The following KHSRP variants were observed in gnomAD, a reference collection of about 807,000 sequenced individuals.
The protein encoded by KHSRP is KH-type splicing regulatory protein.
A neutral mutation model predicts 94.9 loss-of-function variants in KHSRP; 13 were observed. The observed-to-expected ratio is 0.14, with a 90% CI of 0.09 to 0.22. The LOEUF is 0.22. KHSRP is among the 10% of genes least tolerant of loss of function. The pLI is 1.00. For synonymous variants in KHSRP, 495 were observed against 401.4 expected (o/e 1.23, Z -2.79); for missense variants, 710 against 1,010.0 (o/e 0.70, Z 4.03).
chr19:6,414,125 G>A lies in KHSRP; in HGVS notation c.*899C>T, dbSNP rs777535739. 5.3e-5 allele frequency: 85 copies of A among 1,610,602 alleles called. 1 individual carries two copies. Among genetic ancestry groups the A allele is most frequent in the Non-Finnish European group, 6.8e-5 (80 of 1,177,996 alleles). ...CATTCATTCGATTCATTGAGCCTGC[G>A]GAGAGGGAAGAGATAGGAATTGGTC... On this transcript the variant is annotated 3_prime_UTR_variant, in exon 19 of 19. Transcript: ENST00000600480.
intron 4 of KHSRP, 106 bp from the exon 5 acceptor site, chr19:6,420,577 C>A: frequency 9.9e-7 from 1 of 1,013,772 alleles, no homozygotes; most frequent in Non-Finnish European, 1.5e-6. Context: ...TAAGCAGAGT[C>A]TGACCACACA....
At chr19:6,417,181 G>A (rs1472272300) in intron 11 of KHSRP, 94 bp from the exon 12 acceptor site, 13 of 947,442 alleles carry the variant, frequency 1.4e-5, no homozygotes, top group South Asian at 8.3e-5. Flanking sequence ...ACACCACGCC[G>A]GCCTGAGATC....
Position 6,418,932 on chromosome 19 carries a change from G to GT in KHSRP, c.606-57dup. The GT allele has an allele frequency of 6.8e-7, 1 of 1,479,368 alleles. No homozygotes were observed. 91.6% of individuals were successfully genotyped at this position (1,479,368 alleles called of 1,614,324 possible). A position where few individuals can be genotyped will look rare whatever the true frequency, so the allele number is the denominator to read the frequency against. The stretch of plus-strand genomic sequence containing the variant: ...GTGCCACCGCTGGAGAAAGGTACTG[G>GT]TCTGGTGGCCCACCCAGCTCAAAGG... On this transcript the variant is annotated intron_variant, in intron 7 of 18. Transcript: ENST00000600480. This position sits in a 1 kb window ranked among gnomAD's most constrained non-coding sequence, Gnocchi z 4.3.
At chr19:6,422,301 G>T in intron 2 of KHSRP, 39 bp downstream of exon 2, 1 of 1,419,164 alleles carries the variant, frequency 7.0e-7, no homozygotes, top group Non-Finnish European at 1.0e-6. Flanking sequence ...TAGGCCCCCA[G>T]CCCTTCCTCC....
At chr19:6,416,157 G>A (rs1042188103) in intron 15 of KHSRP, 141 bp downstream of exon 15, 24 of 682,710 alleles carry the variant, frequency 3.5e-5, no homozygotes, top group Non-Finnish European at 5.0e-5. Flanking sequence ...ACAGGAGAGG[G>A]CCTGTTGATG....
chr19:6,415,352 CCCCTGT>C (rs2092135591), intron 18 of KHSRP, 22 bp downstream of exon 18: 1 of 1,611,566 alleles, frequency 6.2e-7, no homozygotes, highest in Non-Finnish European at 8.5e-7. Flanking sequence ...GCTGCCCCTG[CCCCTGT>C]CCCCGCATGG....
At position 6,415,449 on chromosome 19, in the gene KHSRP, G is replaced by T; in HGVS notation, c.1897C>A (p.Pro633Thr). 6.4e-7 allele frequency: 1 copy of T among 1,565,798 alleles called. No individual in the cohort carries two copies. The highest frequency in any genetic ancestry group is 8.7e-7 in the Non-Finnish European group (1 of 1,155,322). Residue 633 changes from proline (P) to threonine (T), a missense_variant, in exon 18 of 19, where the codon CCC (proline) becomes ACC (threonine). Physicochemically the swap from Pro to Thr is conservative, Grantham distance 38. Transcript: ENST00000600480. ...EEYYKKIGQQPQQPGAPPQQD... is the reference protein window; with the variant it reads ...EEYYKKIGQQTQQPGAPPQQD... ...TGTGGGGGTGCTCCGGGCTGCTGGG[G>T]CTGCTGGCCTGTGCGGGCGCCGAGA... is the stretch of plus-strand genomic sequence containing the variant.
intron 5 of KHSRP, 70 bp downstream of exon 5, chr19:6,420,352 G>A: frequency 6.8e-7 from 1 of 1,481,190 alleles, no homozygotes; most frequent in Non-Finnish European, 9.4e-7. Context: ...CTTCTGGGCT[G>A]GCAGGAGCTC....
Position 6,424,501 on chromosome 19 carries a change from C to T in KHSRP, c.201G>A (p.Pro67=). 1.0e-6 allele frequency: 1 copy of T among 988,702 alleles called. No homozygotes were observed. Among genetic ancestry groups the T allele is most frequent in the Non-Finnish European group, 1.2e-6 (1 of 833,638 alleles). 61.2% of individuals were successfully genotyped at this position (988,702 alleles called of 1,614,324 possible). The change falls in exon 1 of 19, where the codon CCG becomes CCA. Residue 67 remains proline (P), a synonymous_variant. Transcript: ENST00000600480. ...GPSQPPGGGG[P]GIRKDAFADA... ...CGGCGAAAGCGTCCTTGCGGATTCC[C>T]GGGCCGCCTCCGCCGGGTGGCTGAG...
Position 6,413,396 on chromosome 19 carries a change from G to C in KHSRP, c.*1628C>G. 4.8e-6 allele frequency: 2 copies of C among 416,654 alleles called. No individual in the cohort carries two copies. Among genetic ancestry groups the C allele is most frequent in the Non-Finnish European group, 4.7e-6 (1 of 212,044 alleles). 25.8% of individuals were successfully genotyped at this position (416,654 alleles called of 1,614,324 possible). A position where few individuals can be genotyped will look rare whatever the true frequency, so the allele number is the denominator to read the frequency against. ...TGAAGTTAAAAACGAGCGATAAAAA[G>C]TAAAAACTGCCATACAATTTTTTTT... On this transcript the variant is annotated 3_prime_UTR_variant, in exon 19 of 19. Coordinates refer to ENST00000600480, the MANE Select transcript of KHSRP (RefSeq NM_001366299.1).
intron 6 of KHSRP, among the ~76,000 whole-genome samples, chr19:6,419,711 CAG>C (rs2092183454): frequency 6.7e-6 from 1 of 148,974 alleles, no homozygotes; most frequent in South Asian, 2.1e-4. Context: ...GGCCTGACCT[CAG>C]AGTGACCCCT....
intron 4 of KHSRP, chr19:6,420,900 T>G: frequency 5.2e-6 from 2 of 381,530 alleles, no homozygotes; most frequent in Non-Finnish European, 4.8e-6. Flanking sequence ...CAAAGAGCCC[T>G]GAGCTCCACA....
At chr19:6,417,921 A>G (rs894097955) in intron 10 of KHSRP, 60 bp downstream of exon 10, 12 of 1,601,008 alleles carry the variant, frequency 7.5e-6, no homozygotes, top group Non-Finnish European at 1.0e-5. Flanking sequence ...GGAGCCACTC[A>G]CCCCGGCCCC....
chr19:6,415,299 G>C lies in KHSRP; in HGVS notation c.1969C>G (p.Gln657Glu). The C allele has an allele frequency of 6.2e-7, 1 of 1,613,292 alleles. No individual in the cohort carries two copies. The highest frequency in any genetic ancestry group is 8.5e-7 in the Non-Finnish European group (1 of 1,179,832). ...AWEEYYKKQA[Q>E]VATGGGPGAP... ...CCTGGACCCCCTCCGGTGGCCACTT[G>C]CGCTGTGGGTGGACAAAGGCAGGTG... is the stretch of plus-strand genomic sequence containing the variant. Residue 657 changes from glutamine to glutamate, a missense_variant and splice_region_variant, in exon 19 of 19, where the codon CAA (glutamine) becomes GAA (glutamate). Transcript: ENST00000600480.
intron 6 of KHSRP, 70 bp from the exon 7 acceptor site, chr19:6,419,330 G>C (rs2092180761): frequency 4.2e-6 from 6 of 1,430,262 alleles, no homozygotes; most frequent in Non-Finnish European, 5.7e-6. Flanking sequence ...TTGGACACGA[G>C]GAAACTTTCA....
intron 11 of KHSRP, 134 bp from the exon 12 acceptor site, chr19:6,417,221 A>T (rs1323447083): frequency 1.4e-6 from 1 of 694,178 alleles, no homozygotes. Context: ...CCCAGCCTCC[A>T]CTCGCTCAGG....
Position 6,418,688 on chromosome 19 carries a change from G to A in KHSRP, c.780+14C>T. ...ACACGGATGCAGAGGAAGCTGCCCA[G>A]GTGCTGCCCTCACCTGCAGCTGCTT... On this transcript the variant is annotated intron_variant, in intron 8 of 18. Coordinates refer to ENST00000600480, the MANE Select transcript of KHSRP (RefSeq NM_001366299.1). The surrounding 1 kb of genome is among the most constrained non-coding windows in gnomAD (Gnocchi z 4.3). 21 of 1,613,850 alleles carry A rather than the reference G, an allele frequency of 1.3e-5. No individual in the cohort carries two copies. Among genetic ancestry groups the A allele is most frequent in the Non-Finnish European group, 1.7e-5 (20 of 1,179,832 alleles).
Position 6,418,767 on chromosome 19 carries a change from T to G in KHSRP, c.715A>C (p.Met239Leu), listed in dbSNP as rs374595849. The G allele has an allele frequency of 1.2e-4, 187 of 1,612,530 alleles. No homozygotes were observed. Among genetic ancestry groups the G allele is most frequent in the Non-Finnish European group, 1.6e-4 (183 of 1,179,496 alleles). The stretch of plus-strand genomic sequence containing the variant: ...AGGCCGGCCTTGCCCGCGGGGATCA[T>G]GATCTCCTGCACGGTGCCGTTCTGG... ...GGQNGTVQEI[M>L]IPAGKAGLVI... The change falls in exon 8 of 19, where the codon ATG becomes CTG. Residue 239 changes from methionine (M) to leucine (L), a missense_variant. By Grantham distance (15) the Met-to-Leu change is conservative. Transcript: ENST00000600480. The surrounding 1 kb of genome is among the most constrained non-coding windows in gnomAD (Gnocchi z 4.3).
At chr19:6,424,348 C>T (rs2092217739) in intron 1 of KHSRP, 105 bp downstream of exon 1, 4 of 416,662 alleles carry the variant, frequency 9.6e-6, no homozygotes, top group African/African-American at 2.2e-5. Flanking sequence ...GCGACGGCCC[C>T]GGCCCCCCTC....
Sources: allele counts gnomAD v4.1 joint callset (sites outside exome capture counted in the v4.1 genomes callset), GRCh38; gene constraint gnomAD v4.1.1; non-coding constraint Gnocchi (gnomAD v3.1); transcripts MANE v1.5; gene names NCBI Gene and HGNC (gene_info 2026-07-23, HGNC 2026-07-21).